HMCN2: variants seen among roughly 807,000 people sequenced by gnomAD.
HMCN2 encodes hemicentin-2.
A neutral mutation model predicts 377.5 loss-of-function variants in HMCN2; 325 were observed. The observed-to-expected ratio is 0.86, with a 90% confidence interval of 0.79 to 0.94. The LOEUF is 0.94. Among genes scored for constraint, HMCN2 ranks in the 40% least tolerant of loss-of-function variants. The pLI is 0.00. For missense variants in HMCN2, 4,543 were observed against 4,725.3 expected (o/e 0.96, Z 1.13); for synonymous variants, 2,007 against 2,046.8 (o/e 0.98, Z 0.53).
intron 79 of HMCN2, 111 bp downstream of exon 79, chr9:130,403,439 C>T (rs1251453914): frequency 8.6e-7 from 1 of 1,167,030 alleles, no homozygotes. Context: ...CTGAGAGGTC[C>T]TGGAAAGCCC....
At chr9:130,396,398 G>C in intron 73 of HMCN2, 85 bp downstream of exon 73, 2 of 1,123,764 alleles carry the variant, frequency 1.8e-6, no homozygotes, top group Non-Finnish European at 2.3e-6. Flanking sequence ...GGCAATTGGA[G>C]CAGAAAAGTG....
intron 1 of HMCN2, among the ~76,000 whole-genome samples, chr9:130,281,232 G>A (rs1248368264): frequency 2.0e-5 from 3 of 152,040 alleles, no homozygotes; most frequent in East Asian, 1.9e-4. Context: ...GAGGTCATCC[G>A]GACCTGGGCT....
Position 130,430,348 on chromosome 9 carries a change from C to T in HMCN2, c.14391C>T (p.Ser4797=). ...ACCAGTGCCACAACCTCCAGGGCAGCTACCGCTGCCTGTGCCCCCCAGGCC... is the reference window on the plus strand; with the variant it reads ...ACCAGTGCCACAACCTCCAGGGCAGTTACCGCTGCCTGTGCCCCCCAGGCC... ...CAYQCHNLQG[S]YRCLCPPGQT... The change falls in exon 95 of 98, where the codon AGC becomes AGT. Residue 4797 remains serine (S), a synonymous_variant. Transcript: ENST00000683500. 1 of 1,548,634 alleles carries T rather than the reference C, an allele frequency of 6.5e-7. No homozygotes were observed. Among genetic ancestry groups the T allele is most frequent in the African/African-American group, 1.4e-5 (1 of 73,182 alleles).
At chr9:130,430,010 G>A in intron 94 of HMCN2, 1 of 595,414 alleles carries the variant, frequency 1.7e-6, no homozygotes, top group Non-Finnish European at 2.9e-6. Flanking sequence ...GAGAGGGAAT[G>A]GATCTAACTG....
Position 130,349,610 on chromosome 9 carries a change from G to A in HMCN2, c.4377G>A (p.Gln1459=), listed in dbSNP as rs1034875894. 2.6e-5 allele frequency: 34 copies of A among 1,304,036 alleles called. No individual in the cohort carries two copies. The allele number at this position is 1,304,036 out of a possible 1,614,324, so 80.8% of individuals were successfully genotyped here. Residue 1459 remains glutamine, a synonymous_variant, in exon 29 of 98, where the codon CAG becomes CAA. Coordinates refer to ENST00000683500, the MANE Select transcript of HMCN2 (RefSeq NM_001291815.2). ...TGGCCGGTGCAGACGTGGAGCTGCA[G>A]TGTTGGACCTCAGGGGTCCCCACGC... is the stretch of plus-strand genomic sequence containing the variant. The part of the protein sequence containing the change: ...LGLAGADVEL[Q]CWTSGVPTPQ...
Position 130,348,669 on chromosome 9 carries a change from G to T in HMCN2, c.4149G>T (p.Ala1383=). 2.4e-6 allele frequency: 3 copies of T among 1,225,110 alleles called. No homozygotes were observed. The highest frequency in any genetic ancestry group is 3.3e-6 in the Non-Finnish European group (3 of 918,802). 75.9% of individuals were successfully genotyped at this position (1,225,110 alleles called of 1,614,324 possible). ...CTGAGATCGTGTGGCTGAAGGACGC[G>T]CAGCTGGTGGGTGTCCCCCTAGGGT... The part of the protein sequence containing the change: ...PVPEIVWLKD[A]QLIPKVGGHR... Residue 1383 remains alanine (A), a synonymous_variant, in exon 27 of 98, where the codon GCG becomes GCT. Coordinates refer to ENST00000683500, the MANE Select transcript of HMCN2 (RefSeq NM_001291815.2).
At chr9:130,425,643 T>TCCCCCCCCCCCCCCCCCCC in intron 89 of HMCN2, 44 bp from the exon 90 acceptor site, 2 of 582,134 alleles carry the variant, frequency 3.4e-6, no homozygotes, top group South Asian at 3.8e-5. Flanking sequence ...CCTTTCTCCC[T>TCCCCCCCCCCCCCCCCCCC]CTCCCCCACC....
chr9:130,275,862 C>CTGGAGGCT (rs1301553486), intron 1 of HMCN2, among the ~76,000 whole-genome samples: 1 of 151,944 alleles, frequency 6.6e-6, no homozygotes, highest in Admixed American at 6.6e-5. Flanking sequence ...CCTTGGAGGC[C>CTGGAGGCT]TGGAGGCCTG....
At chr9:130,377,589 G>T in intron 52 of HMCN2, 60 bp from the exon 53 acceptor site, 1 of 910,620 alleles carries the variant, frequency 1.1e-6, no homozygotes, top group Non-Finnish European at 1.3e-6. Context: ...CATTTGTCTT[G>T]CTGCTCGTGG....
intron 85 of HMCN2, among the ~76,000 whole-genome samples, chr9:130,417,624 G>A (rs976184052): frequency 2.4e-4 from 37 of 152,104 alleles, no homozygotes; most frequent in African/African-American, 8.7e-4. Flanking sequence ...GACAGAGGCA[G>A]AGGATGGATT....
At chr9:130,431,596 T>G in intron 96 of HMCN2, 110 bp downstream of exon 96, 1 of 1,415,028 alleles carries the variant, frequency 7.1e-7, no homozygotes, top group Non-Finnish European at 9.4e-7. Context: ...CCTTCACAAC[T>G]ATCCTGTGAG....
Position 130,397,522 on chromosome 9 carries a change from T to G in HMCN2, c.11199-6T>G. 1 of 1,289,762 alleles carries G rather than the reference T, an allele frequency of 7.8e-7. No individual in the cohort carries two copies. Among genetic ancestry groups the G allele is most frequent in the Non-Finnish European group, 1.0e-6 (1 of 988,852 alleles). 79.9% of individuals were successfully genotyped at this position (1,289,762 alleles called of 1,614,324 possible). On this transcript the variant is annotated splice_polypyrimidine_tract_variant and splice_region_variant and intron_variant, in intron 73 of 97. Transcript: ENST00000683500. ...TCATCTCCAGGGCAACCCCCATCCA[T>G]TCTAGGTTTGAAATTCTGCCTGAGG...
rs1554924100 is a variant in HMCN2 at position 130,278,106 on chromosome 9, T to G, written c.260-6497T>G. Among the ~76,000 whole-genome samples, 3 of 151,904 alleles carry G rather than the reference T, an allele frequency of 2.0e-5. No individual in the cohort carries two copies. The South Asian group carries it at 6.2e-4, about 32-fold the overall frequency. On this transcript the variant is annotated intron_variant, in intron 1 of 97. Coordinates refer to ENST00000683500, the MANE Select transcript of HMCN2 (RefSeq NM_001291815.2). ...TCACCACCACCACTATCATCATTGT[T>G]TTTTTGTTTGTTTGGTTGGTTGGTT...
intron 14 of HMCN2, among the ~76,000 whole-genome samples, chr9:130,309,451 G>T (rs140031499): frequency 0.014 from 1,964 of 144,020 alleles, 39 homozygotes; most frequent in African/African-American, 0.048. Flanking sequence ...GGAGGTAGAG[G>T]TTGCAGTGAG....
rs530570301 is a variant in HMCN2 at position 130,385,172 on chromosome 9, G to A, written c.9106+374G>A. Among the ~76,000 whole-genome samples the A allele has an allele frequency of 6.6e-5, 10 of 151,802 alleles. 1 individual carries two copies. The highest frequency in any genetic ancestry group is 2.0e-4 in the Admixed American group (3 of 15,254). On this transcript the variant is annotated intron_variant, in intron 59 of 97. Transcript: ENST00000683500. ...TGCACGAACACCAGCCAGACACTGCGCTAGGCCTGTGGGCTCACAGCCATG... is the reference window on the plus strand; with the variant it reads ...TGCACGAACACCAGCCAGACACTGCACTAGGCCTGTGGGCTCACAGCCATG...
At position 130,433,882 on chromosome 9, in the gene HMCN2, G is replaced by C. The variant is rs1844928437; in HGVS notation, c.*189G>C. 2 of 539,730 alleles carry C rather than the reference G, an allele frequency of 3.7e-6. No homozygotes were observed. The highest frequency in any genetic ancestry group is 6.2e-6 in the Non-Finnish European group (2 of 325,030). 33.4% of individuals were successfully genotyped at this position (539,730 alleles called of 1,614,324 possible). ...CCGACAGCGAGGACCTGACCTCACA[G>C]AGGGAGGCGTCCAGGGCGGCCCTTG... On this transcript the variant is annotated 3_prime_UTR_variant, in exon 98 of 98. Coordinates refer to ENST00000683500, the MANE Select transcript of HMCN2 (RefSeq NM_001291815.2).
intron 17 of HMCN2, among the ~76,000 whole-genome samples, 154 bp downstream of exon 17, chr9:130,320,605 C>A (rs1837794806): frequency 3.3e-5 from 5 of 152,212 alleles, no homozygotes; most frequent in African/African-American, 1.2e-4. Flanking sequence ...AGAGCAGCAC[C>A]TGTGCCCCTG....
At chr9:130,312,504 T>TCTCTCTCC (rs1564775123) in intron 15 of HMCN2, among the ~76,000 whole-genome samples, 1 of 21,998 alleles carries the variant, frequency 4.5e-5, no homozygotes, top group Non-Finnish European at 1.4e-4. Flanking sequence ...TCTTTCTTTC[T>TCTCTCTCC]GTCCCTCCCT....
chr9:130,385,866 C>T, intron 60 of HMCN2, 104 bp downstream of exon 60: 1 of 736,746 alleles, frequency 1.4e-6, no homozygotes, highest in South Asian at 1.6e-5. Context: ...TGAGTTGCTG[C>T]CTCCTTGGCC....
Sources: gnomAD v4.1 joint callset for allele counts (sites outside exome capture counted in the v4.1 genomes callset) on GRCh38, gnomAD v4.1.1 for gene constraint, MANE v1.5 for transcripts, NCBI Gene and HGNC (gene_info 2026-07-23, HGNC 2026-07-21) for gene names.